CCDC7: variants seen among roughly 807,000 people sequenced by gnomAD.
CCDC7 encodes coiled-coil domain containing 7.
A neutral mutation model predicts 196.9 loss-of-function variants in CCDC7; 183 were observed. The observed-to-expected ratio is 0.93, with a 90% CI of 0.82 to 1.05. CCDC7 has a LOEUF of 1.05. CCDC7 is among the 50% of genes least tolerant of loss of function. CCDC7 has a pLI of 0.00. For missense variants in CCDC7, 1,540 were observed against 1,482.2 expected (o/e 1.04, Z -0.64); for synonymous variants, 525 against 484.6 (o/e 1.08, Z -1.10).
intron 25 of CCDC7, among the ~76,000 whole-genome samples, chr10:32,718,754 G>A (rs576405958): frequency 6.4e-4 from 98 of 152,256 alleles, no homozygotes; most frequent in Middle Eastern, 3.4e-3. Flanking sequence ...GCCAACTCAT[G>A]AGTGAACTCC....
intron 41 of CCDC7, among the ~76,000 whole-genome samples, chr10:32,872,018 C>G (rs1029673597): frequency 1.1e-4 from 16 of 152,094 alleles, no homozygotes; most frequent in African/African-American, 3.9e-4. Context: ...GCTTTACTTC[C>G]AAATATGTGG....
At chr10:32,647,653 A>T (rs770151990) in intron 20 of CCDC7, among the ~76,000 whole-genome samples, 4 of 151,938 alleles carry the variant, frequency 2.6e-5, no homozygotes, top group Non-Finnish European at 4.4e-5. Flanking sequence ...GTGTCTGTTC[A>T]TGTCTGTTGC....
intron 11 of CCDC7, among the ~76,000 whole-genome samples, chr10:32,530,155 G>A (rs1176838548): frequency 6.6e-6 from 1 of 152,116 alleles, no homozygotes; most frequent in Non-Finnish European, 1.5e-5. Flanking sequence ...CCAGTACCAC[G>A]CTATTTTGGT....
At chr10:32,760,597 G>T (rs944675728) in intron 28 of CCDC7, among the ~76,000 whole-genome samples, 1 of 152,068 alleles carries the variant, frequency 6.6e-6, no homozygotes, top group Non-Finnish European at 1.5e-5. Context: ...GCCTGTTGTG[G>T]GGTGGGAGGA....
intron 13 of CCDC7, among the ~76,000 whole-genome samples, chr10:32,556,275 G>A (rs940522777): frequency 1.3e-5 from 2 of 152,080 alleles, no homozygotes; most frequent in Admixed American, 1.3e-4. Flanking sequence ...AGACTAGGCT[G>A]CTATAAAAAG....
chr10:32,587,788 A>T (rs2059426683), intron 18 of CCDC7, among the ~76,000 whole-genome samples: 1 of 152,180 alleles, frequency 6.6e-6, no homozygotes, highest in African/African-American at 2.4e-5. Flanking sequence ...ATCTTTTAGT[A>T]CAATGTTGAA....
chr10:32,849,431 G>A (rs1477757668), intron 39 of CCDC7, among the ~76,000 whole-genome samples: 3 of 151,880 alleles, frequency 2.0e-5, no homozygotes, highest in Non-Finnish European at 1.5e-5. Flanking sequence ...AGGGCCCGGC[G>A]CGGTGGCTCA....
At chr10:32,584,523 C>T (rs1342998778) in intron 18 of CCDC7, among the ~76,000 whole-genome samples, 7 of 150,052 alleles carry the variant, frequency 4.7e-5, no homozygotes, top group Non-Finnish European at 7.4e-5. Context: ...TTTGGGAGGC[C>T]GAGGCGGGTG....
At chr10:32,837,950 A>T (rs1387532338) in intron 33 of CCDC7, among the ~76,000 whole-genome samples, 1 of 151,278 alleles carries the variant, frequency 6.6e-6, no homozygotes, top group Non-Finnish European at 1.5e-5. Context: ...GGGGAGGGAT[A>T]GCATTAGGAC....
chr10:32,542,633 CAAAA>C (rs11375465), intron 11 of CCDC7, among the ~76,000 whole-genome samples: 6 of 87,964 alleles, frequency 6.8e-5, no homozygotes, highest in Admixed American at 1.5e-4. Flanking sequence ...ACTCCCATCT[CAAAA>C]AAAAAAAAAA....
chr10:32,781,418 A>G (rs963499312), intron 29 of CCDC7, among the ~76,000 whole-genome samples: 1 of 152,206 alleles, frequency 6.6e-6, no homozygotes, highest in Non-Finnish European at 1.5e-5. Flanking sequence ...ATATTAGTAA[A>G]TAAAATTTAG....
exon 38 of CCDC7, chr10:32,847,836 C>A (rs781039148): frequency 6.2e-7 from 1 of 1,601,084 alleles, no homozygotes; most frequent in South Asian, 1.1e-5. Flanking sequence ...TCTATAGAGA[C>A]TGATGTAGAA....
At chr10:32,591,571 G>T (rs2059785521) in intron 18 of CCDC7, among the ~76,000 whole-genome samples, 1 of 150,132 alleles carries the variant, frequency 6.7e-6, no homozygotes, top group Non-Finnish European at 1.5e-5. Context: ...TGATTTGCAA[G>T]CCTCATGGTA....
chr10:32,631,716 C>G (rs952110719), intron 18 of CCDC7, among the ~76,000 whole-genome samples: 1 of 150,852 alleles, frequency 6.6e-6, no homozygotes, highest in Non-Finnish European at 1.5e-5. Flanking sequence ...GGGATTAAGT[C>G]AAATCTGTAA....
At chr10:32,466,269 T>A (rs1185972011) in intron 5 of CCDC7, among the ~76,000 whole-genome samples, 8 of 151,926 alleles carry the variant, frequency 5.3e-5, no homozygotes, top group African/African-American at 1.9e-4. Flanking sequence ...TTTTTTTTTT[T>A]TTTGTAAACT....
chr10:32,676,273 G>T (rs566852236), intron 21 of CCDC7, among the ~76,000 whole-genome samples: 47 of 149,910 alleles, frequency 3.1e-4, no homozygotes, highest in African/African-American at 1.1e-3. Flanking sequence ...AACCCTAGAA[G>T]AAAACCTAGG....
chr10:32,529,300 A>C (rs1372084151), intron 11 of CCDC7, among the ~76,000 whole-genome samples: 3 of 152,170 alleles, frequency 2.0e-5, no homozygotes, highest in African/African-American at 7.2e-5. Flanking sequence ...GACTACAGGC[A>C]TGAGCCACTG....
At chr10:32,456,011 G>C (rs944453148) in intron 2 of CCDC7, among the ~76,000 whole-genome samples, 9 of 152,084 alleles carry the variant, frequency 5.9e-5, no homozygotes, top group Admixed American at 5.9e-4. Flanking sequence ...AATGAGAGGA[G>C]AGACATGGCT....
At chr10:32,674,481 T>C (rs1458890218) in intron 21 of CCDC7, among the ~76,000 whole-genome samples, 5 of 152,118 alleles carry the variant, frequency 3.3e-5, no homozygotes, top group Admixed American at 3.3e-4. Flanking sequence ...TCTTAAATGT[T>C]TAAGACTTGT....
Sources: allele counts gnomAD v4.1 joint callset (sites outside exome capture counted in the v4.1 genomes callset), GRCh38; gene constraint gnomAD v4.1.1; transcripts MANE v1.5; gene names NCBI Gene and HGNC (gene_info 2026-07-23, HGNC 2026-07-21).